Variants in INPP4B observed in about 807,000 individuals in gnomAD.
INPP4B encodes the protein inositol polyphosphate-4-phosphatase type II B.
INPP4B carries 55 observed loss-of-function variants against 122.5 expected under a neutral mutation model. That is an observed-to-expected ratio of 0.45 (90% CI 0.36 to 0.56). INPP4B has a LOEUF of 0.56. INPP4B is among the 20% of genes least tolerant of loss of function. The pLI is 0.00. For missense variants in INPP4B, 1,000 were observed against 1,097.7 expected (o/e 0.91, Z 1.26); for synonymous variants, 403 against 388.7 (o/e 1.04, Z -0.43).
At chr4:142,726,470 G>A (rs1765363963) in intron 1 of INPP4B, among the ~76,000 whole-genome samples, 1 of 152,082 alleles carries the variant, frequency 6.6e-6, no homozygotes, top group Non-Finnish European at 1.5e-5. Flanking sequence ...GCAACAAGGA[G>A]GAAAGTACTT....
intron 9 of INPP4B, among the ~76,000 whole-genome samples, chr4:142,296,165 T>G (rs2130685): frequency 0.77 from 116,514 of 152,096 alleles, 45,767 homozygotes; most frequent in East Asian, 0.93. Flanking sequence ...CTTCAGTGAC[T>G]GAGAACTCTA....
At chr4:142,551,485 C>T (rs1727968214) in intron 2 of INPP4B, among the ~76,000 whole-genome samples, 1 of 152,144 alleles carries the variant, frequency 6.6e-6, no homozygotes, top group Non-Finnish European at 1.5e-5. Context: ...TCCAAAAGCA[C>T]ATTTTAAAAC....
intron 1 of INPP4B, among the ~76,000 whole-genome samples, chr4:142,737,971 G>A (rs575373045): frequency 1.4e-3 from 210 of 152,330 alleles, no homozygotes; most frequent in East Asian, 1.2e-3. Context: ...AGGTGCTGGA[G>A]AGGATATGGA....
chr4:142,720,994 C>T (rs181944611), intron 2 of INPP4B, among the ~76,000 whole-genome samples: 1 of 148,312 alleles, frequency 6.7e-6, no homozygotes, highest in Non-Finnish European at 1.5e-5. Context: ...TATGTTCAAG[C>T]GTGTACTTGC....
chr4:142,219,969 C>A (rs1180165518), intron 12 of INPP4B, among the ~76,000 whole-genome samples: 1 of 152,164 alleles, frequency 6.6e-6, no homozygotes, highest in Non-Finnish European at 1.5e-5. Context: ...ATAAAAAATT[C>A]AATCGTACTA....
chr4:142,093,798 A>T (rs1417603044), intron 23 of INPP4B, among the ~76,000 whole-genome samples: 1 of 152,218 alleles, frequency 6.6e-6, no homozygotes, highest in Non-Finnish European at 1.5e-5. Context: ...TCAAATGTCA[A>T]GATCCCATCC....
At chr4:142,653,865 C>A (rs780311022) in intron 2 of INPP4B, among the ~76,000 whole-genome samples, 141 of 152,170 alleles carry the variant, frequency 9.3e-4, no homozygotes, top group Admixed American at 2.1e-3. Context: ...CGATCGCATT[C>A]CTGGGTATAT....
intron 2 of INPP4B, among the ~76,000 whole-genome samples, chr4:142,600,530 T>C (rs1353457482): frequency 1.3e-5 from 2 of 152,042 alleles, no homozygotes; most frequent in African/African-American, 4.8e-5. Flanking sequence ...CATGAAAATA[T>C]AAAACTCACT....
At chr4:142,123,760 A>G (rs1225488007) in intron 19 of INPP4B, among the ~76,000 whole-genome samples, 1 of 152,168 alleles carries the variant, frequency 6.6e-6, no homozygotes, top group Non-Finnish European at 1.5e-5. Flanking sequence ...TAGAGATGAT[A>G]ATAATCATTT....
At chr4:142,048,663 T>A (rs1010272159) in intron 25 of INPP4B, among the ~76,000 whole-genome samples, 1 of 151,886 alleles carries the variant, frequency 6.6e-6, no homozygotes, top group Non-Finnish European at 1.5e-5. Context: ...TGTGCTCTGA[T>A]AAAGGGATGA....
chr4:142,656,999 A>G (rs1188515243), intron 2 of INPP4B, among the ~76,000 whole-genome samples: 1 of 152,074 alleles, frequency 6.6e-6, no homozygotes, highest in Non-Finnish European at 1.5e-5. Context: ...GCCAGTAGCC[A>G]CTTGGCAAGG....
chr4:142,837,066 G>A (rs1410487619), intron 1 of INPP4B, among the ~76,000 whole-genome samples: 1 of 151,788 alleles, frequency 6.6e-6, no homozygotes, highest in Non-Finnish European at 1.5e-5. Context: ...CTTGGGAGGA[G>A]AATCACTCAA....
At chr4:142,529,961 T>C (rs1467744526) in intron 2 of INPP4B, among the ~76,000 whole-genome samples, 1 of 152,138 alleles carries the variant, frequency 6.6e-6, no homozygotes. Flanking sequence ...AGAAGTTACG[T>C]ATGCTACTTC....
chr4:142,733,151 A>T (rs1370686812), intron 1 of INPP4B, among the ~76,000 whole-genome samples: 1 of 152,168 alleles, frequency 6.6e-6, no homozygotes, highest in Non-Finnish European at 1.5e-5. Context: ...TGACTCCTAC[A>T]TATACAAAAA....
chr4:142,620,091 G>A lies in INPP4B; in HGVS notation c.-191+105748C>T, dbSNP rs549316607. On this transcript the variant is annotated intron_variant, in intron 2 of 25. Coordinates refer to ENST00000262992, the MANE Select transcript of INPP4B (RefSeq NM_001101669.3). ...TGCTGCTGGGGATGTGGAAAGCATC[G>A]TGGAGATTTCTTAAAGAAATTAAAA... is the stretch of plus-strand genomic sequence containing the variant. 2.7e-4 allele frequency among the ~76,000 whole-genome samples: 41 copies of A among 152,048 alleles called. No individual in the cohort carries two copies. In the South Asian group the frequency reaches 8.1e-3, roughly 30 times the overall value.
At chr4:142,649,759 T>C (rs1752546611) in intron 2 of INPP4B, among the ~76,000 whole-genome samples, 1 of 152,162 alleles carries the variant, frequency 6.6e-6, no homozygotes, top group Admixed American at 6.5e-5. Context: ...CTGAAAGTGA[T>C]GGGGAGAATG....
intron 7 of INPP4B, among the ~76,000 whole-genome samples, chr4:142,320,365 C>T (rs1579724367): frequency 6.6e-6 from 1 of 152,284 alleles, no homozygotes; most frequent in East Asian, 1.9e-4. Flanking sequence ...AGGGATGCTA[C>T]ACCATGGAGT....
At chr4:142,672,083 G>T (rs1757076833) in intron 2 of INPP4B, among the ~76,000 whole-genome samples, 1 of 152,118 alleles carries the variant, frequency 6.6e-6, no homozygotes, top group South Asian at 2.1e-4. Context: ...TCCTTTTTAT[G>T]CTAAGTAGTA....
chr4:142,287,857 A>G (rs1420260347), intron 9 of INPP4B, among the ~76,000 whole-genome samples: 1 of 152,214 alleles, frequency 6.6e-6, no homozygotes, highest in Non-Finnish European at 1.5e-5. Context: ...TTAAAAAAAC[A>G]GACATTTTTG....
Sources: allele counts gnomAD v4.1 joint callset (sites outside exome capture counted in the v4.1 genomes callset), GRCh38; gene constraint gnomAD v4.1.1; transcripts MANE v1.5; gene names NCBI Gene and HGNC (gene_info 2026-07-23, HGNC 2026-07-21).